Variants in KCNC1 observed in about 807,000 individuals in gnomAD.
KCNC1 encodes potassium voltage-gated channel subfamily C member 1, also known as voltage-gated potassium channel KCNC1.
Under a neutral mutation model 43.4 loss-of-function variants are expected in KCNC1, and 8 were observed. The ratio of observed to expected loss-of-function variants is 0.18; its 90% CI spans 0.11 to 0.33. The LOEUF is 0.33. KCNC1 is among the 10% of genes least tolerant of loss of function. The pLI, the probability that KCNC1 is intolerant of heterozygous loss-of-function variation, is 1.00. For synonymous variants in KCNC1, 361 were observed against 360.5 expected (o/e 1.00, Z -0.01); for missense variants, 420 against 836.0 (o/e 0.50, Z 6.14).
At chr11:17,741,893 C>T (rs1385818732) in intron 1 of KCNC1, among the ~76,000 whole-genome samples, 1 of 152,222 alleles carries the variant, frequency 6.6e-6, no homozygotes, top group Non-Finnish European at 1.5e-5. Flanking sequence ...CCACCTCAAA[C>T]AGCAGCTCCT....
chr11:17,768,505 G>T (rs1398217274), intron 1 of KCNC1, among the ~76,000 whole-genome samples: 1 of 150,964 alleles, frequency 6.6e-6, no homozygotes, highest in African/African-American at 2.4e-5. Context: ...CCAGTTGAAA[G>T]CACCCTCTGG....
At chr11:17,772,843 A>C in intron 2 of KCNC1, 6 of 1,391,178 alleles carry the variant, frequency 4.3e-6, no homozygotes, top group Non-Finnish European at 4.6e-6. Flanking sequence ...TGGTCTCGTG[A>C]TGTTCTGAAG....
Position 17,776,328 on chromosome 11 carries a change from C to G in KCNC1, c.1505-3128C>G. 2 of 985,224 alleles carry G rather than the reference C, an allele frequency of 2.0e-6. No homozygotes were observed. The highest frequency in any genetic ancestry group is 2.4e-6 in the Non-Finnish European group (2 of 829,892). The allele number at this position is 985,224 out of a possible 1,614,324, so 61.0% of individuals were successfully genotyped here. A position where few individuals can be genotyped will look rare whatever the true frequency, so the allele number is the denominator to read the frequency against. On this transcript the variant is annotated intron_variant, in intron 2 of 3. Coordinates refer to ENST00000265969, the MANE Select transcript of KCNC1 (RefSeq NM_001112741.2). This position sits in a 1 kb window ranked among gnomAD's most constrained non-coding sequence, Gnocchi z 4.4. ...TAGCCTGAGACTTTTTTCCTGAGTC[C>G]CCAGCTGGGCAGATCCCTCAGGGCT...
At chr11:17,762,204 AGT>A (rs1849085603) in intron 1 of KCNC1, among the ~76,000 whole-genome samples, 1 of 152,108 alleles carries the variant, frequency 6.6e-6, no homozygotes, top group African/African-American at 2.4e-5. Flanking sequence ...GCATGGGCTG[AGT>A]GTGGGAAGAG....
chr11:17,753,590 A>G (rs374755614), intron 1 of KCNC1, among the ~76,000 whole-genome samples: 1 of 151,718 alleles, frequency 6.6e-6, no homozygotes. Flanking sequence ...CTTTGAATAA[A>G]CCAGCCGCTA....
Position 17,772,200 on chromosome 11 carries a change from T to C in KCNC1, c.1106T>C (p.Ile369Thr). 1 of 1,613,948 alleles carries C rather than the reference T, an allele frequency of 6.2e-7. No individual in the cohort carries two copies. The highest frequency in any genetic ancestry group is 8.5e-7 in the Non-Finnish European group (1 of 1,180,006). The change falls in exon 2 of 4, where the codon ATA becomes ACA. Residue 369 changes from isoleucine (I) to threonine (T), a missense_variant. By Grantham distance (89) the Ile-to-Thr change is moderately conservative (BLOSUM62 -1). This residue lies in a region of KCNC1 where 58 missense variants were observed against 256.9 expected (regional missense o/e 0.23). Transcript: ENST00000265969. Reference protein sequence around the residue: ...FATMIYYAERIGAQPNDPSAS... With the variant: ...FATMIYYAERTGAQPNDPSAS... ...ACCATGATCTACTACGCCGAGAGGA[T>C]AGGGGCACAGCCCAATGACCCCAGC...
intron 1 of KCNC1, among the ~76,000 whole-genome samples, chr11:17,753,642 G>C (rs1234688354): frequency 2.0e-5 from 3 of 149,124 alleles, no homozygotes; most frequent in African/African-American, 7.3e-5. Context: ...TCTTCAAAAA[G>C]AAATTGACAT....
intron 1 of KCNC1, among the ~76,000 whole-genome samples, chr11:17,745,206 G>A (rs1338352186): frequency 1.3e-5 from 2 of 152,114 alleles, no homozygotes; most frequent in Non-Finnish European, 2.9e-5. Context: ...GGGCGTGTGT[G>A]GGTTGGCAGA....
chr11:17,758,917 T>TAATAA (rs1849048149), intron 1 of KCNC1, among the ~76,000 whole-genome samples: 1 of 152,232 alleles, frequency 6.6e-6, no homozygotes, highest in African/African-American at 2.4e-5. Flanking sequence ...AGTCACCAGC[T>TAATAA]GCATTAGCCC....
At chr11:17,774,457 A>G in intron 2 of KCNC1, 1 of 985,528 alleles carries the variant, frequency 1.0e-6, no homozygotes, top group Non-Finnish European at 1.2e-6. Flanking sequence ...AGTGCTCTCC[A>G]GGCAGGCCCA....
intron 1 of KCNC1, among the ~76,000 whole-genome samples, chr11:17,741,677 C>T (rs936366177): frequency 2.6e-5 from 4 of 152,246 alleles, no homozygotes; most frequent in Non-Finnish European, 4.4e-5. Flanking sequence ...TTCGCCAGCC[C>T]GTGGCCCATA....
intron 1 of KCNC1, among the ~76,000 whole-genome samples, chr11:17,762,860 G>A (rs1403437533): frequency 6.6e-6 from 1 of 152,082 alleles, no homozygotes; most frequent in Non-Finnish European, 1.5e-5. Context: ...AACCTCCCCC[G>A]AGGACCTCCT....
rs2133811724 is a variant in KCNC1 at position 17,781,863 on chromosome 11, T to C, written c.*129T>C. ...CGGACGAGTCCGAGTGGCCCAGGCA[T>C]TGTACTAGGACGGACGTAGCTTTTT... is the stretch of plus-strand genomic sequence containing the variant. On this transcript the variant is annotated 3_prime_UTR_variant, in exon 4 of 4. Transcript: ENST00000265969. The surrounding 1 kb of genome is among the most constrained non-coding windows in gnomAD (Gnocchi z 5.1). The C allele has an allele frequency of 6.0e-6, 4 of 666,550 alleles. No individual in the cohort carries two copies. The highest frequency in any genetic ancestry group is 1.1e-5 in the Non-Finnish European group (4 of 368,032). 41.3% of individuals were successfully genotyped at this position (666,550 alleles called of 1,614,324 possible).
Position 17,754,346 on chromosome 11 carries a change from C to A in KCNC1, c.571-17319C>A, listed in dbSNP as rs549112071. Among the ~76,000 whole-genome samples, 4 of 152,318 alleles carry A rather than the reference C, an allele frequency of 2.6e-5. No homozygotes were observed. The South Asian group carries it at 8.3e-4, about 32-fold the overall frequency. ...TTGGTGTATGGAGATTATCTTTTTA[C>A]CAGTGTAGCGCTTCCGTTACTGTGG... On this transcript the variant is annotated intron_variant, in intron 1 of 3. Coordinates refer to ENST00000265969, the MANE Select transcript of KCNC1 (RefSeq NM_001112741.2).
chr11:17,776,166 T>C lies in KCNC1; in HGVS notation c.1505-3290T>C. The C allele has an allele frequency of 2.0e-6, 2 of 985,458 alleles. No homozygotes were observed. Among genetic ancestry groups the C allele is most frequent in the Non-Finnish European group, 2.4e-6 (2 of 829,958 alleles). 61.0% of individuals were successfully genotyped at this position (985,458 alleles called of 1,614,324 possible). ...GCCAGGGGCCAGGCATGGGTGTTCT[T>C]TTCCGTGTTGTTCACATTTTCTCTC... On this transcript the variant is annotated intron_variant, in intron 2 of 3. Coordinates refer to ENST00000265969, the MANE Select transcript of KCNC1 (RefSeq NM_001112741.2). The surrounding 1 kb of genome is among the most constrained non-coding windows in gnomAD (Gnocchi z 4.4).
chr11:17,743,017 A>G (rs1848859305), intron 1 of KCNC1, among the ~76,000 whole-genome samples: 5 of 152,202 alleles, frequency 3.3e-5, no homozygotes, highest in Admixed American at 3.3e-4. Context: ...CCAAATCCTT[A>G]GGATTCCCCA....
intron 1 of KCNC1, among the ~76,000 whole-genome samples, chr11:17,755,186 G>A (rs1056779669): frequency 6.6e-6 from 1 of 152,132 alleles, no homozygotes; most frequent in Non-Finnish European, 1.5e-5. Flanking sequence ...CGTGTGTCTG[G>A]CATATTTGAG....
chr11:17,775,546 G>A (rs1196405075), intron 2 of KCNC1: 2 of 985,434 alleles, frequency 2.0e-6, no homozygotes, highest in African/African-American at 1.7e-5. Context: ...GCCTAGGGCT[G>A]AGGGGCCCAG....
intron 1 of KCNC1, among the ~76,000 whole-genome samples, chr11:17,761,773 C>A (rs961666233): frequency 3.9e-5 from 6 of 152,180 alleles, no homozygotes; most frequent in Non-Finnish European, 2.9e-5. Flanking sequence ...GCATCAGAGC[C>A]TCCTGGGGCA....
Sources: allele counts gnomAD v4.1 joint callset (sites outside exome capture counted in the v4.1 genomes callset), GRCh38; gene constraint gnomAD v4.1.1; regional missense constraint gnomAD v4.1.1; non-coding constraint Gnocchi (gnomAD v3.1); transcripts MANE v1.5; gene names NCBI Gene and HGNC (gene_info 2026-07-23, HGNC 2026-07-21).